Variants in MESD observed in about 807,000 individuals in gnomAD.
The protein encoded by MESD is mesoderm development LRP chaperone.
In MESD, 7 loss-of-function variants were observed where a neutral mutation model predicts 12.9. That is an observed-to-expected ratio of 0.54 (90% CI 0.31 to 1.02). MESD has a LOEUF of 1.02. Among genes scored for constraint, MESD ranks in the 50% least tolerant of loss-of-function variants. The probability of loss-of-function intolerance (pLI) is 0.05; values close to 1 mark genes in which losing one functional copy is unlikely to be tolerated. For missense variants in MESD, 342 were observed against 296.7 expected (o/e 1.15, Z -1.12); for synonymous variants, 126 against 115.6 (o/e 1.09, Z -0.58).
At chr15:80,953,541 GAGAC>G (rs1442054738) in intron 3 of MESD, among the ~76,000 whole-genome samples, 5 of 152,212 alleles carry the variant, frequency 3.3e-5, no homozygotes, top group Non-Finnish European at 5.9e-5. Context: ...TGTCCGCAGG[GAGAC>G]AGACAGGATG....
intron 1 of MESD, among the ~76,000 whole-genome samples, 165 bp from the exon 2 acceptor site, chr15:80,982,347 CTA>C (rs965543683): frequency 6.6e-6 from 1 of 152,118 alleles, no homozygotes; most frequent in Non-Finnish European, 1.5e-5. Context: ...TCAAGATAGT[CTA>C]AGTTTCAGGC....
downstream of MESD, among the ~76,000 whole-genome samples, chr15:80,973,109 T>C (rs1425029920): frequency 6.6e-6 from 1 of 152,190 alleles, no homozygotes; most frequent in Non-Finnish European, 1.5e-5. Flanking sequence ...GTTTCTGCTA[T>C]GATGACAAAT....
chr15:80,955,554 A>AT lies in MESD; in HGVS notation c.*289-3259dup, dbSNP rs200306995. 9.7e-4 allele frequency among the ~76,000 whole-genome samples: 147 copies of AT among 151,298 alleles called. 3 individuals are homozygous for AT. In the South Asian group the frequency reaches 0.013, roughly 13 times the overall value. ...CCAGATCAGCTGAATCAGAATCTGC[A>AT]TTTTAAGAAGGGACCCAGGGTAGTT... On this transcript the variant is annotated intron_variant, in intron 3 of 4. Coordinates refer to the MESD transcript ENST00000561312.
chr15:80,955,611 T>G (rs1424281153), intron 3 of MESD, among the ~76,000 whole-genome samples: 1 of 141,108 alleles, frequency 7.1e-6, no homozygotes, highest in Admixed American at 7.0e-5. Context: ...AAGTGTGTGT[T>G]TGTGCGTGTG....
chr15:80,969,893 T>C (rs955286929), intron 3 of MESD, among the ~76,000 whole-genome samples: 3 of 152,190 alleles, frequency 2.0e-5, no homozygotes, highest in African/African-American at 7.2e-5. Flanking sequence ...TGTCACTGCC[T>C]TGCAGCGTGA....
chr15:80,971,144 C>T (rs937842494), downstream of MESD, among the ~76,000 whole-genome samples: 3 of 152,162 alleles, frequency 2.0e-5, no homozygotes, highest in African/African-American at 7.2e-5. Flanking sequence ...AACTGCTACC[C>T]CAGAGGATTC....
At chr15:80,964,160 C>T (rs1902135929) in intron 3 of MESD, among the ~76,000 whole-genome samples, 1 of 152,178 alleles carries the variant, frequency 6.6e-6, no homozygotes, top group African/African-American at 2.4e-5. Context: ...GTGCAAAAAT[C>T]ACAAGCATTC....
At chr15:80,979,917 G>A (rs1035759294) in intron 2 of MESD, among the ~76,000 whole-genome samples, 2 of 152,206 alleles carry the variant, frequency 1.3e-5, no homozygotes, top group Admixed American at 1.3e-4. Flanking sequence ...ATGGCTTAGA[G>A]TGGGTCATGA....
intron 3 of MESD, among the ~76,000 whole-genome samples, chr15:80,957,017 G>A (rs1902001897): frequency 6.6e-6 from 1 of 151,908 alleles, no homozygotes. Flanking sequence ...TAGAGATGGG[G>A]TCTCACTGTG....
intron 3 of MESD, among the ~76,000 whole-genome samples, chr15:80,952,647 T>G (rs968338676): frequency 6.6e-6 from 1 of 151,970 alleles, no homozygotes; most frequent in African/African-American, 2.4e-5. Context: ...TGTATGTCTC[T>G]CTGTCTGTCT....
At chr15:80,970,238 T>C (rs74734598) in intron 3 of MESD, among the ~76,000 whole-genome samples, 7,654 of 152,216 alleles carry the variant, frequency 0.05, 240 homozygotes, top group Middle Eastern at 0.18. Flanking sequence ...CCCTAGTGGG[T>C]ACATCCTTTA....
At chr15:80,960,446 C>A (rs1902065858) in intron 3 of MESD, among the ~76,000 whole-genome samples, 1 of 150,198 alleles carries the variant, frequency 6.7e-6, no homozygotes, top group South Asian at 2.1e-4. Context: ...ATTCAACCAA[C>A]CAATTACACA....
At chr15:80,986,072 ATG>A (rs1023972617) in intron 1 of MESD, among the ~76,000 whole-genome samples, 1 of 152,108 alleles carries the variant, frequency 6.6e-6, no homozygotes, top group Non-Finnish European at 1.5e-5. Context: ...TCCATTGTAT[ATG>A]TGTGTGTGTG....
chr15:80,946,859 G>C (rs1366588321), downstream of MESD: 1 of 756,384 alleles, frequency 1.3e-6, no homozygotes, highest in East Asian at 2.7e-5. Flanking sequence ...AGGCCTCTGG[G>C]CACTGCTAAC....
intron 1 of MESD, among the ~76,000 whole-genome samples, chr15:80,983,255 A>G (rs958367179): frequency 6.6e-6 from 1 of 152,074 alleles, no homozygotes; most frequent in Admixed American, 6.5e-5. Context: ...AAGAAAAAAA[A>G]AAAAAGAAAA....
chr15:80,985,010 G>C (rs1025068636), intron 1 of MESD, among the ~76,000 whole-genome samples: 1 of 152,194 alleles, frequency 6.6e-6, no homozygotes, highest in Non-Finnish European at 1.5e-5. Flanking sequence ...ACGCCTCGAG[G>C]CCTGTTTCCT....
intron 1 of MESD, among the ~76,000 whole-genome samples, chr15:80,988,273 G>C (rs111767260): frequency 0.025 from 3,870 of 152,268 alleles, 156 homozygotes; most frequent in African/African-American, 0.086. Context: ...TCATGGATGG[G>C]GTAAAAGGAT....
intron 3 of MESD, among the ~76,000 whole-genome samples, chr15:80,956,438 T>C (rs1041251853): frequency 2.0e-5 from 3 of 152,182 alleles, no homozygotes; most frequent in Non-Finnish European, 2.9e-5. Context: ...TTAGGTGTTA[T>C]TCATGGTGAG....
chr15:80,978,433 G>A lies in MESD; in HGVS notation c.*786C>T, dbSNP rs371760692. 7.9e-5 allele frequency: 12 copies of A among 152,250 alleles called. No individual in the cohort carries two copies. The highest frequency in any genetic ancestry group is 2.9e-4 in the African/African-American group (12 of 41,542). The allele number at this position is 152,250 out of a possible 1,614,324, so 9.4% of individuals were successfully genotyped here. A position where few individuals can be genotyped will look rare whatever the true frequency, so the allele number is the denominator to read the frequency against. Reference sequence around the variant, plus strand: ...ATGTTTAGAAACAAATGAGGTTATTGAGTCGTCTGTCACACTCTGCAAAGG... The same window carrying A: ...ATGTTTAGAAACAAATGAGGTTATTAAGTCGTCTGTCACACTCTGCAAAGG... On this transcript the variant is annotated 3_prime_UTR_variant, in exon 3 of 3. Coordinates refer to ENST00000261758, the MANE Select transcript of MESD (RefSeq NM_015154.3).
Sources: allele counts gnomAD v4.1 joint callset (sites outside exome capture counted in the v4.1 genomes callset), GRCh38; gene constraint gnomAD v4.1.1; transcripts MANE v1.5; gene names NCBI Gene and HGNC (gene_info 2026-07-23, HGNC 2026-07-21).